The following ZNF229 variants were observed in gnomAD, a reference collection of about 807,000 sequenced individuals.
ZNF229 encodes zinc finger protein 229.
A neutral mutation model predicts 11.8 loss-of-function variants in ZNF229; 10 were observed. The observed-to-expected ratio is 0.85, with a 90% confidence interval of 0.52 to 1.44. ZNF229 has a LOEUF of 1.44. Ranked by LOEUF, ZNF229 falls within the 40% of genes most tolerant of loss-of-function variation. The pLI, the probability that ZNF229 is intolerant of heterozygous loss-of-function variation, is 0.00. For synonymous variants in ZNF229, 368 were observed against 374.8 expected (o/e 0.98, Z 0.21); for missense variants, 1,045 against 1,015.1 (o/e 1.03, Z -0.40).
Position 44,428,027 on chromosome 19 carries a change from G to A in ZNF229, c.*276C>T. 2 of 343,138 alleles carry A rather than the reference G, an allele frequency of 5.8e-6. No homozygotes were observed. Among genetic ancestry groups the A allele is most frequent in the Non-Finnish European group, 5.3e-6 (1 of 188,936 alleles). The allele number at this position is 343,138 out of a possible 1,614,324, so 21.3% of individuals were successfully genotyped here. On this transcript the variant is annotated 3_prime_UTR_variant, in exon 6 of 6. Transcript: ENST00000614049. ...AAAAGCTCCCTCCCAGGCAGATTCT[G>A]ATGGAAGTGAGGATTATTACTGAAA...
Position 44,428,644 on chromosome 19 carries a change from T to G in ZNF229, c.2137A>C (p.Thr713Pro), listed in dbSNP as rs1338177099. 2.5e-6 allele frequency: 4 copies of G among 1,613,886 alleles called. No homozygotes were observed. Among genetic ancestry groups the G allele is most frequent in the Middle Eastern group, 1.6e-4 (1 of 6,062 alleles). ...AAACCCTTCCCACATTCACAACAAG[T>G]GTAGGGTTTCTCTCCTGTGTGCAAC... is the stretch of plus-strand genomic sequence containing the variant. ...QRLHTGEKPYTCCECGKGFRY... is the reference protein window; with the variant it reads ...QRLHTGEKPYPCCECGKGFRY... The change falls in exon 6 of 6, where the codon ACT becomes CCT. Residue 713 changes from threonine to proline, a missense_variant. By Grantham distance (38) the Thr-to-Pro change is conservative. Coordinates refer to ENST00000614049, the MANE Select transcript of ZNF229 (RefSeq NM_014518.4).
intron 2 of ZNF229, among the ~76,000 whole-genome samples, chr19:44,446,215 G>A (rs1972001210): frequency 6.6e-6 from 1 of 152,202 alleles, no homozygotes; most frequent in South Asian, 2.1e-4. Context: ...ATAATTCCAT[G>A]TAGGGATGAA....
intron 3 of ZNF229, 40 bp downstream of exon 3, chr19:44,442,774 T>C (rs1971936327): frequency 6.2e-7 from 1 of 1,607,372 alleles, no homozygotes; most frequent in Non-Finnish European, 8.5e-7. Context: ...CACACTCAGT[T>C]TGGATTCTCC....
chr19:44,435,368 G>T (rs377080761), intron 4 of ZNF229, among the ~76,000 whole-genome samples: 4 of 152,146 alleles, frequency 2.6e-5, no homozygotes, highest in South Asian at 2.1e-4. Context: ...TTACTACGGT[G>T]AAAGAAAATA....
In ZNF229 at chr19:44,429,232, A is replaced by G. The variant is rs759966134; in HGVS notation, c.1549T>C (p.Tyr517His). The G allele has an allele frequency of 1.2e-6, 2 of 1,613,930 alleles. No individual in the cohort carries two copies. The highest frequency in any genetic ancestry group is 2.7e-5 in the African/African-American group (2 of 74,890). ...HQRVHMGQHL[Y>H]KCNVCGKSFS... ...CTCTTACCACACACGTTACATTTGT[A>G]CAGATGCTGCCCCATGTGAACTCTC... Residue 517 changes from tyrosine (Y) to histidine (H), a missense_variant, in exon 6 of 6, where the codon TAC becomes CAC. Tyr to His is a moderately conservative substitution (Grantham distance 83, BLOSUM62 2). Coordinates refer to ENST00000614049, the MANE Select transcript of ZNF229 (RefSeq NM_014518.4).
At chr19:44,432,115 A>G in intron 5 of ZNF229, 107 bp downstream of exon 5, 1 of 1,481,918 alleles carries the variant, frequency 6.7e-7, no homozygotes, top group Non-Finnish European at 8.9e-7. Flanking sequence ...TTTTTACAGC[A>G]GCTGAAACTA....
intron 3 of ZNF229, 22 bp downstream of exon 3, chr19:44,442,792 C>CCCACA: frequency 6.5e-7 from 1 of 1,538,326 alleles, no homozygotes; most frequent in Non-Finnish European, 9.0e-7. Context: ...TCCCCCCACC[C>CCCACA]ACCCCCTCTA....
rs1245683469 is a variant in ZNF229 at position 44,432,370 on chromosome 19, A to C, written c.94-4T>G. 7 of 1,612,938 alleles carry C rather than the reference A, an allele frequency of 4.3e-6. No individual in the cohort carries two copies. In the African/African-American group the frequency reaches 5.4e-5, roughly 12 times the overall value. ...CGTCCTTGAAGCTCAATGGCTCCTAAAATGAAAAACCATTAACACAAACAT... is the reference window on the plus strand; with the variant it reads ...CGTCCTTGAAGCTCAATGGCTCCTACAATGAAAAACCATTAACACAAACAT... On this transcript the variant is annotated splice_region_variant and splice_polypyrimidine_tract_variant and intron_variant, in intron 4 of 5. Transcript: ENST00000614049.
rs1444740620 is a variant in ZNF229 at position 44,428,493 on chromosome 19, G to C, written c.2288C>G (p.Thr763Ser). Residue 763 changes from threonine to serine, a missense_variant, in exon 6 of 6, where the codon ACT (threonine) becomes AGT (serine). By Grantham distance (58) the Thr-to-Ser change is moderately conservative. Coordinates refer to ENST00000614049, the MANE Select transcript of ZNF229 (RefSeq NM_014518.4). ...CTCACATTTATAGGGTTTCTCACCAGTGTGGACCCTCTGATGACCTTGAAG... is the reference window on the plus strand; with the variant it reads ...CTCACATTTATAGGGTTTCTCACCACTGTGGACCCTCTGATGACCTTGAAG... ...SHLQGHQRVHTGEKPYKCEEC... is the reference protein window; with the variant it reads ...SHLQGHQRVHSGEKPYKCEEC... The C allele has an allele frequency of 6.2e-7, 1 of 1,614,052 alleles. No individual in the cohort carries two copies. The highest frequency in any genetic ancestry group is 1.7e-5 in the Admixed American group (1 of 60,024).
rs750007051 is a variant in ZNF229, at chr19:44,429,584, G to A, written c.1197C>T (p.His399=). 17 of 1,613,986 alleles carry A rather than the reference G, an allele frequency of 1.1e-5. No individual in the cohort carries two copies. Among genetic ancestry groups the A allele is most frequent in the Non-Finnish European group, 8.5e-6 (10 of 1,180,030 alleles). The change falls in exon 6 of 6, where the codon CAC becomes CAT. Residue 399 remains histidine (H), a synonymous_variant. Coordinates refer to ENST00000614049, the MANE Select transcript of ZNF229 (RefSeq NM_014518.4). ...SSNLLVHQRV[H]TGEKPYKCSE... is the part of the protein sequence containing the mutation. Reference sequence around the variant, plus strand: ...TGCATTTATATGGTTTCTCTCCAGTGTGGACCCTCTGATGGACAAGCAGGT... The same window carrying A: ...TGCATTTATATGGTTTCTCTCCAGTATGGACCCTCTGATGGACAAGCAGGT...
chr19:44,429,191 T>G lies in ZNF229; in HGVS notation c.1590A>C (p.Ser530=). 1 of 1,614,034 alleles carries G rather than the reference T, an allele frequency of 6.2e-7. No individual in the cohort carries two copies. The highest frequency in any genetic ancestry group is 1.1e-5 in the South Asian group (1 of 91,078). The change falls in exon 6 of 6, where the codon TCA becomes TCC. Residue 530 remains serine (S), a synonymous_variant. Transcript: ENST00000614049. ...GCAGTCTCTGATGCATGAGAAGCCCTGAGCTGTAACTGAAACTCTTACCAC... is the reference window on the plus strand; with the variant it reads ...GCAGTCTCTGATGCATGAGAAGCCCGGAGCTGTAACTGAAACTCTTACCAC... ...NVCGKSFSYS[S]GLLMHQRLHT... is the part of the protein sequence containing the mutation.
Position 44,428,805 on chromosome 19 carries a change from T to A in ZNF229, c.1976A>T (p.Gln659Leu), listed in dbSNP as rs1971637868. Residue 659 changes from glutamine to leucine, a missense_variant, in exon 6 of 6, where the codon CAA becomes CTA. By Grantham distance (113) the Gln-to-Leu change is moderately radical. Coordinates refer to ENST00000614049, the MANE Select transcript of ZNF229 (RefSeq NM_014518.4). ...GCACCTAAAGCCCTTTCCGCACTCT[T>A]GGCATCTGTAAGGTTTCTCGCCTGT... ...VHTGEKPYRCQECGKGFRCTS... is the reference protein window; with the variant it reads ...VHTGEKPYRCLECGKGFRCTS... 1 of 1,613,172 alleles carries A rather than the reference T, an allele frequency of 6.2e-7. No homozygotes were observed. The highest frequency in any genetic ancestry group is 1.1e-5 in the South Asian group (1 of 90,992).
At chr19:44,434,601 G>A (rs543005835) in intron 4 of ZNF229, among the ~76,000 whole-genome samples, 54 of 152,282 alleles carry the variant, frequency 3.5e-4, no homozygotes, top group African/African-American at 8.4e-4. Context: ...TATCATTGCT[G>A]TCTTCACTTG....
intron 5 of ZNF229, among the ~76,000 whole-genome samples, chr19:44,431,201 A>G (rs922795140): frequency 6.6e-6 from 1 of 152,122 alleles, no homozygotes; most frequent in African/African-American, 2.4e-5. Flanking sequence ...GAATCCAGAA[A>G]ATACTGTTAA....
At position 44,429,451 on chromosome 19, in the gene ZNF229, C is replaced by A. The variant is rs1177498191; in HGVS notation, c.1330G>T (p.Ala444Ser). The stretch of plus-strand genomic sequence containing the variant: ...TGGTGTTTGTGCAGTGCAGACTTGG[C>A]ACAGAAGCCTTTGCCACACTCGCTG... The part of the protein sequence containing the change: ...TCSECGKGFC[A>S]KSALHKHQHI... Residue 444 changes from alanine to serine, a missense_variant, in exon 6 of 6, where the codon GCC becomes TCC. Transcript: ENST00000614049. 2 of 1,613,518 alleles carry A rather than the reference C, an allele frequency of 1.2e-6. No homozygotes were observed. Among genetic ancestry groups the A allele is most frequent in the South Asian group, 2.2e-5 (2 of 91,054 alleles).
chr19:44,435,823 G>A (rs1356412885), intron 4 of ZNF229, among the ~76,000 whole-genome samples: 2 of 152,188 alleles, frequency 1.3e-5, no homozygotes, highest in African/African-American at 2.4e-5. Context: ...GGGAACAGTT[G>A]GTGAAAACCC....
Position 44,442,213 on chromosome 19 carries a change from G to A in ZNF229, c.93+350C>T, listed in dbSNP as rs190113297. ...CTATAAATGAATAACGTTCCACAGAGGAGAACAACCCAGGCAGCGATGATT... is the reference window on the plus strand; with the variant it reads ...CTATAAATGAATAACGTTCCACAGAAGAGAACAACCCAGGCAGCGATGATT... On this transcript the variant is annotated intron_variant, in intron 4 of 5. Transcript: ENST00000614049. 3.3e-5 allele frequency among the ~76,000 whole-genome samples: 5 copies of A among 152,266 alleles called. No homozygotes were observed. In the East Asian group the frequency reaches 9.6e-4, roughly 29 times the overall value.
At chr19:44,432,196 A>C in intron 5 of ZNF229, 26 bp downstream of exon 5, 1 of 1,591,744 alleles carries the variant, frequency 6.3e-7, no homozygotes, top group East Asian at 2.2e-5. Context: ...GAACAAGAAC[A>C]CTCCAAGAAG....
chr19:44,442,734 A>T lies in ZNF229; in HGVS notation c.34+80T>A. On this transcript the variant is annotated intron_variant, in intron 3 of 5. Coordinates refer to ENST00000614049, the MANE Select transcript of ZNF229 (RefSeq NM_014518.4). ...CAGACTGGTTTCTTCTCACTTGAGG[A>T]AATTCCTCAACATCCAACTTTTTCT... 3 of 1,605,232 alleles carry T rather than the reference A, an allele frequency of 1.9e-6. No homozygotes were observed. In the South Asian group the frequency reaches 3.3e-5, roughly 18 times the overall value.
Sources: allele counts gnomAD v4.1 joint callset (sites outside exome capture counted in the v4.1 genomes callset), GRCh38; gene constraint gnomAD v4.1.1; transcripts MANE v1.5; gene names NCBI Gene and HGNC (gene_info 2026-07-23, HGNC 2026-07-21).